Variants in SDK1 observed in about 807,000 individuals in gnomAD.
SDK1 encodes protein sidekick-1.
SDK1 carries 157 observed loss-of-function variants against 245.5 expected under a neutral mutation model. The observed-to-expected ratio is 0.64, with a 90% CI of 0.56 to 0.73. The LOEUF is 0.73. Among genes scored for constraint, SDK1 ranks in the 30% least tolerant of loss-of-function variants. SDK1 has a pLI of 0.00. For synonymous variants in SDK1, 1,647 were observed against 1,278.5 expected (o/e 1.29, Z -6.15); for missense variants, 3,583 against 3,002.3 (o/e 1.19, Z -4.52).
At chr7:3,905,710 A>T (rs1201530160) in intron 5 of SDK1, among the ~76,000 whole-genome samples, 1 of 151,522 alleles carries the variant, frequency 6.6e-6, no homozygotes, top group African/African-American at 2.4e-5. Context: ...GTAACCCCGA[A>T]CTCCTGGGTT....
chr7:4,165,204 C>A (rs899435120), intron 32 of SDK1, among the ~76,000 whole-genome samples: 2 of 152,028 alleles, frequency 1.3e-5, no homozygotes, highest in Middle Eastern at 3.4e-3. Context: ...ACTAAAAATA[C>A]AAAAATTAGC....
At chr7:3,739,019 A>G (rs1779401160) in intron 4 of SDK1, among the ~76,000 whole-genome samples, 1 of 151,992 alleles carries the variant, frequency 6.6e-6, no homozygotes, top group South Asian at 2.1e-4. Context: ...TCGTTTATCT[A>G]AGAATAGAGG....
At chr7:3,402,588 G>A (rs1258661454) in intron 1 of SDK1, among the ~76,000 whole-genome samples, 2 of 152,126 alleles carry the variant, frequency 1.3e-5, no homozygotes, top group African/African-American at 4.8e-5. Flanking sequence ...AAATAAGAAT[G>A]TGCATTGTGA....
intron 28 of SDK1, among the ~76,000 whole-genome samples, chr7:4,143,956 C>A (rs1779769960): frequency 2.6e-5 from 4 of 152,334 alleles, no homozygotes; most frequent in Middle Eastern, 3.4e-3. Context: ...TGTGGTCACG[C>A]TCTCCTCACC....
chr7:3,831,422 C>T (rs958082622), intron 5 of SDK1, among the ~76,000 whole-genome samples: 3 of 152,130 alleles, frequency 2.0e-5, no homozygotes, highest in Non-Finnish European at 4.4e-5. Flanking sequence ...TGTTTAATTT[C>T]CCTTCCTTCA....
At chr7:3,682,193 A>G (rs1784120754) in intron 4 of SDK1, among the ~76,000 whole-genome samples, 1 of 152,214 alleles carries the variant, frequency 6.6e-6, no homozygotes, top group South Asian at 2.1e-4. Flanking sequence ...TAGGCAACCC[A>G]GGTATTATTA....
intron 1 of SDK1, among the ~76,000 whole-genome samples, chr7:3,564,242 C>A (rs964825457): frequency 6.6e-6 from 1 of 151,702 alleles, no homozygotes; most frequent in Non-Finnish European, 1.5e-5. Flanking sequence ...ATAATAACAC[C>A]TGACATGATA....
chr7:3,806,126 C>T (rs1345688766), intron 4 of SDK1, among the ~76,000 whole-genome samples: 2 of 152,354 alleles, frequency 1.3e-5, no homozygotes, highest in East Asian at 1.9e-4. Context: ...CGTAAACTTT[C>T]TCCTCTGCCA....
intron 14 of SDK1, among the ~76,000 whole-genome samples, chr7:3,997,307 G>T (rs1448682056): frequency 6.6e-6 from 1 of 152,112 alleles, no homozygotes; most frequent in South Asian, 2.1e-4. Context: ...TTGAGTGTCC[G>T]GACAGCCCAG....
At chr7:3,901,597 T>A (rs1781792704) in intron 5 of SDK1, among the ~76,000 whole-genome samples, 1 of 152,162 alleles carries the variant, frequency 6.6e-6, no homozygotes, top group African/African-American at 2.4e-5. Flanking sequence ...GACCAACAGG[T>A]TTGTCCAAAG....
chr7:3,674,550 G>A (rs1225512230), intron 4 of SDK1, among the ~76,000 whole-genome samples: 1 of 152,196 alleles, frequency 6.6e-6, no homozygotes, highest in Non-Finnish European at 1.5e-5. Context: ...GGGATGTAGT[G>A]TGGAGTAAGA....
intron 1 of SDK1, among the ~76,000 whole-genome samples, chr7:3,492,770 A>G (rs1781902996): frequency 6.6e-6 from 1 of 152,184 alleles, no homozygotes; most frequent in African/African-American, 2.4e-5. Flanking sequence ...ATTGGCAATA[A>G]TGGCAAACAG....
intron 4 of SDK1, among the ~76,000 whole-genome samples, chr7:3,718,541 AAATAAATAAATAAATAAAT>A (rs1785269859): frequency 3.0e-5 from 1 of 33,122 alleles, no homozygotes; most frequent in African/African-American, 1.0e-4. Context: ...ATAAATAAAT[AAATAAATAAATAAATAAAT>A]AAATAAATAA....
At chr7:3,804,560 C>CT (rs1779193293) in intron 4 of SDK1, among the ~76,000 whole-genome samples, 1 of 152,034 alleles carries the variant, frequency 6.6e-6, no homozygotes, top group South Asian at 2.1e-4. Flanking sequence ...ATTCTTCTGC[C>CT]TTTACATATT....
At chr7:3,786,258 T>C (rs1001627309) in intron 4 of SDK1, among the ~76,000 whole-genome samples, 2 of 152,222 alleles carry the variant, frequency 1.3e-5, no homozygotes, top group Non-Finnish European at 2.9e-5. Flanking sequence ...TTTGTAGTTA[T>C]TATCTTCCTG....
chr7:3,639,281 C>A (rs527567072), intron 3 of SDK1, among the ~76,000 whole-genome samples, 171 bp downstream of exon 3: 1 of 152,046 alleles, frequency 6.6e-6, no homozygotes, highest in Non-Finnish European at 1.5e-5. Context: ...GCGTGGCTGG[C>A]CAGGTGAGGG....
chr7:3,759,112 T>C (rs1780020459), intron 4 of SDK1, among the ~76,000 whole-genome samples: 1 of 152,148 alleles, frequency 6.6e-6, no homozygotes, highest in African/African-American at 2.4e-5. Flanking sequence ...AGAAACAAAT[T>C]TACCAACCAA....
At chr7:3,508,376 A>C (rs1583972621) in intron 1 of SDK1, among the ~76,000 whole-genome samples, 1 of 137,930 alleles carries the variant, frequency 7.3e-6, no homozygotes, top group African/African-American at 2.7e-5. Context: ...CCCTGGCTGG[A>C]GTGCAGTGGT....
intron 1 of SDK1, among the ~76,000 whole-genome samples, chr7:3,555,629 A>C (rs1222479495): frequency 6.6e-6 from 1 of 152,204 alleles, no homozygotes; most frequent in Admixed American, 6.5e-5. Flanking sequence ...TCAACAAAGC[A>C]AAGAGACAAT....
Sources: gnomAD v4.1 joint callset for allele counts (sites outside exome capture counted in the v4.1 genomes callset) on GRCh38, gnomAD v4.1.1 for gene constraint, MANE v1.5 for transcripts, NCBI Gene and HGNC (gene_info 2026-07-23, HGNC 2026-07-21) for gene names.